EPHA5: variants seen among roughly 807,000 people sequenced by gnomAD.
The protein encoded by EPHA5 is EPH receptor A5, also known as ephrin type-A receptor 5.
A neutral mutation model predicts 105.0 loss-of-function variants in EPHA5; 60 were observed. That is an observed-to-expected ratio of 0.57 (90% CI 0.46 to 0.71). EPHA5 has a LOEUF of 0.71. Ranked by LOEUF, EPHA5 falls within the 30% of genes least tolerant of loss-of-function variation. The pLI, the probability that EPHA5 is intolerant of heterozygous loss-of-function variation, is 0.00. For synonymous variants in EPHA5, 513 were observed against 449.1 expected (o/e 1.14, Z -1.80); for missense variants, 1,218 against 1,274.7 (o/e 0.96, Z 0.68).
chr4:65,439,139 G>A, intron 5 of EPHA5, among the ~76,000 whole-genome samples: 1 of 152,218 alleles, frequency 6.6e-6, no homozygotes, highest in East Asian at 1.9e-4. Flanking sequence ...AATGCAGCAA[G>A]TCTGGATTCA....
chr4:65,637,225 G>GTTT (rs33936787), intron 2 of EPHA5, among the ~76,000 whole-genome samples: 28,738 of 138,850 alleles, frequency 0.21, 4,016 homozygotes, highest in Middle Eastern at 0.37. Context: ...GCACAGAAAA[G>GTTT]TTTTTTTTTT....
intron 5 of EPHA5, among the ~76,000 whole-genome samples, chr4:65,435,936 GA>G (rs1725436069): frequency 1.3e-5 from 2 of 151,808 alleles, no homozygotes; most frequent in African/African-American, 4.8e-5. Flanking sequence ...ATTTAAATAT[GA>G]TTTTTTTCTT....
At chr4:65,520,354 T>A (rs1458384394) in intron 3 of EPHA5, among the ~76,000 whole-genome samples, 2 of 152,184 alleles carry the variant, frequency 1.3e-5, no homozygotes, top group Non-Finnish European at 1.5e-5. Flanking sequence ...GATCCCTTCC[T>A]TACACCTTAT....
At chr4:65,340,611 A>T (rs1196451645) in intron 14 of EPHA5, among the ~76,000 whole-genome samples, 1 of 152,172 alleles carries the variant, frequency 6.6e-6, no homozygotes, top group African/African-American at 2.4e-5. Flanking sequence ...GATAAGGACC[A>T]GGTGACATCC....
At chr4:65,362,270 A>G (rs1255716436) in intron 11 of EPHA5, among the ~76,000 whole-genome samples, 1 of 151,658 alleles carries the variant, frequency 6.6e-6, no homozygotes, top group Non-Finnish European at 1.5e-5. Context: ...AAGAAAAGTC[A>G]CAAGATTTAG....
At position 65,578,499 on chromosome 4, in the gene EPHA5, A is replaced by G. The variant is rs569449026; in HGVS notation, c.910+23142T>C. ...ACACAGACAAATGCTCCAACTGCACATGCTCTAAATGGTCTGAGCCACTAA... is the reference window on the plus strand; with the variant it reads ...ACACAGACAAATGCTCCAACTGCACGTGCTCTAAATGGTCTGAGCCACTAA... On this transcript the variant is annotated intron_variant, in intron 3 of 16. Transcript: ENST00000613740. Among the ~76,000 whole-genome samples, 50 of 152,276 alleles carry G rather than the reference A, an allele frequency of 3.3e-4. 1 individual carries two copies. Among genetic ancestry groups the G allele is most frequent in the Admixed American group, 7.8e-4 (12 of 15,292 alleles).
intron 5 of EPHA5, among the ~76,000 whole-genome samples, chr4:65,453,197 AAAT>A (rs1478035164): frequency 6.6e-6 from 1 of 152,204 alleles, no homozygotes; most frequent in Non-Finnish European, 1.5e-5. Flanking sequence ...TATTCAATAA[AAAT>A]AATATGCTCT....
At chr4:65,510,809 C>G (rs1284793324) in intron 3 of EPHA5, among the ~76,000 whole-genome samples, 2 of 152,194 alleles carry the variant, frequency 1.3e-5, no homozygotes, top group Non-Finnish European at 2.9e-5. Flanking sequence ...ACATAGTCCA[C>G]AAACATGCTA....
intron 5 of EPHA5, among the ~76,000 whole-genome samples, chr4:65,467,046 G>A (rs773055146): frequency 1.1e-4 from 17 of 152,110 alleles, no homozygotes; most frequent in Admixed American, 2.6e-4. Context: ...AAAAGAAGTG[G>A]TTATTTAAAA....
chr4:65,630,085 A>T (rs34955797), intron 2 of EPHA5, among the ~76,000 whole-genome samples: 49,036 of 141,942 alleles, frequency 0.35, 7,936 homozygotes, highest in African/African-American at 0.41. Flanking sequence ...TCTCTCTCAC[A>T]CACACACACA....
At chr4:65,620,953 C>CA (rs1745656799) in intron 2 of EPHA5, among the ~76,000 whole-genome samples, 1 of 152,136 alleles carries the variant, frequency 6.6e-6, no homozygotes, top group African/African-American at 2.4e-5. Context: ...GAGGACTGAA[C>CA]ATTCAGAGTT....
At chr4:65,607,027 C>T (rs1254686615) in intron 2 of EPHA5, among the ~76,000 whole-genome samples, 5 of 152,100 alleles carry the variant, frequency 3.3e-5, no homozygotes, top group Non-Finnish European at 5.9e-5. Flanking sequence ...TTCCTCAAAA[C>T]TACATAAAAT....
intron 5 of EPHA5, among the ~76,000 whole-genome samples, chr4:65,448,093 C>A (rs1341038182): frequency 1.4e-5 from 2 of 147,254 alleles, no homozygotes; most frequent in Non-Finnish European, 3.0e-5. Flanking sequence ...CTGTAAAAAT[C>A]ATAAAGACAA....
At chr4:65,557,802 A>T (rs1228935953) in intron 3 of EPHA5, among the ~76,000 whole-genome samples, 1 of 152,120 alleles carries the variant, frequency 6.6e-6, no homozygotes, top group Non-Finnish European at 1.5e-5. Flanking sequence ...GAGTTCAAAA[A>T]CGAAAATGCA....
At chr4:65,515,878 AAC>A (rs1318743116) in intron 3 of EPHA5, among the ~76,000 whole-genome samples, 4 of 152,096 alleles carry the variant, frequency 2.6e-5, no homozygotes, top group African/African-American at 9.7e-5. Context: ...CTCTGAATAG[AAC>A]AAAAAGGAGG....
chr4:65,377,178 C>A (rs1198829634), intron 8 of EPHA5: 1 of 893,858 alleles, frequency 1.1e-6, no homozygotes, highest in Non-Finnish European at 1.6e-6. Flanking sequence ...AATCAAAAAC[C>A]TCTAAATGCA....
chr4:65,612,016 C>CAAA (rs1167342911), intron 2 of EPHA5, among the ~76,000 whole-genome samples: 1,539 of 57,356 alleles, frequency 0.027, 129 homozygotes, highest in East Asian at 0.13. Flanking sequence ...GACCCTCTCT[C>CAAA]AAAAAAAAAA....
intron 3 of EPHA5, among the ~76,000 whole-genome samples, chr4:65,508,632 C>A (rs1733303545): frequency 6.6e-6 from 1 of 152,052 alleles, no homozygotes; most frequent in South Asian, 2.1e-4. Flanking sequence ...CGATTACATT[C>A]TTTCCTTTAA....
chr4:65,410,994 G>C (rs1722856671), intron 7 of EPHA5, among the ~76,000 whole-genome samples: 2 of 152,068 alleles, frequency 1.3e-5, no homozygotes, highest in African/African-American at 4.8e-5. Context: ...TAACGAGTTT[G>C]GCTGAATGGT....
Sources: allele counts gnomAD v4.1 joint callset (sites outside exome capture counted in the v4.1 genomes callset), GRCh38; gene constraint gnomAD v4.1.1; transcripts MANE v1.5; gene names NCBI Gene and HGNC (gene_info 2026-07-23, HGNC 2026-07-21).